EBF3: variants seen among roughly 807,000 people sequenced by gnomAD.
EBF3 encodes EBF transcription factor 3.
EBF3 carries 18 observed loss-of-function variants against 77.1 expected under a neutral mutation model. The ratio of observed to expected loss-of-function variants is 0.23; its 90% CI spans 0.16 to 0.35. The LOEUF (loss-of-function observed/expected upper bound fraction) is 0.35. Ranked by LOEUF, EBF3 falls within the 10% of genes least tolerant of loss-of-function variation. EBF3 has a pLI of 1.00. For missense variants in EBF3, 558 were observed against 860.0 expected (o/e 0.65, Z 4.39); for synonymous variants, 350 against 343.5 (o/e 1.02, Z -0.21).
At chr10:129,954,051 T>A (rs1858862261) in intron 6 of EBF3, among the ~76,000 whole-genome samples, 1 of 152,216 alleles carries the variant, frequency 6.6e-6, no homozygotes, top group African/African-American at 2.4e-5. Flanking sequence ...GATACTCCCA[T>A]CCTTTTCAGC....
intron 9 of EBF3, 43 bp downstream of exon 9, chr10:129,867,739 G>A: frequency 1.2e-6 from 2 of 1,608,666 alleles, no homozygotes; most frequent in Non-Finnish European, 1.7e-6. Context: ...ATCCATTCAT[G>A]AAGACAGCAA....
intron 6 of EBF3, among the ~76,000 whole-genome samples, chr10:129,921,102 C>A (rs1229011596): frequency 6.6e-6 from 1 of 152,208 alleles, no homozygotes; most frequent in African/African-American, 2.4e-5. Context: ...GTACACAAAG[C>A]AAACAAGAGA....
At chr10:129,858,012 C>T (rs924011321) in intron 10 of EBF3, among the ~76,000 whole-genome samples, 2 of 152,230 alleles carry the variant, frequency 1.3e-5, no homozygotes, top group African/African-American at 2.4e-5. Flanking sequence ...GGCGAATCAC[C>T]GATGTTGGTG....
At chr10:129,959,042 G>A (rs369626950) in intron 4 of EBF3, 35 bp from the exon 5 acceptor site, 184 of 1,595,814 alleles carry the variant, frequency 1.2e-4, no homozygotes, top group Non-Finnish European at 1.5e-4. Flanking sequence ...GGGGTTACGC[G>A]GCGCCCGCGG....
chr10:129,867,113 C>T (rs370095044), intron 10 of EBF3, 28 bp downstream of exon 10: 23 of 1,605,922 alleles, frequency 1.4e-5, no homozygotes, highest in Middle Eastern at 3.3e-4. Flanking sequence ...CTACCGCTTT[C>T]CCGCAGAAGC....
chr10:129,842,631 G>C lies in EBF3; in HGVS notation c.1195-338C>G, dbSNP rs1850157397. Among the ~76,000 whole-genome samples the C allele has an allele frequency of 6.6e-6, 1 of 152,074 alleles. No homozygotes were observed. The highest frequency in any genetic ancestry group is 1.5e-5 in the Non-Finnish European group (1 of 68,018). On this transcript the variant is annotated intron_variant, in intron 12 of 16. Transcript: ENST00000440978. This position sits in a 1 kb window ranked among gnomAD's most constrained non-coding sequence, Gnocchi z 4.4. Reference sequence around the variant, plus strand: ...ATACAAAAATTAGCCGGGTGTGTTGGCAAACGCCTGTAATCCCAGCTACTC... The same window carrying C: ...ATACAAAAATTAGCCGGGTGTGTTGCCAAACGCCTGTAATCCCAGCTACTC...
At chr10:129,884,976 T>C (rs1853470315) in intron 6 of EBF3, among the ~76,000 whole-genome samples, 1 of 152,172 alleles carries the variant, frequency 6.6e-6, no homozygotes, top group South Asian at 2.1e-4. Context: ...CTATCACTTC[T>C]TTATCTCCTG....
rs1564811742 is a variant in EBF3 at position 129,839,151 on chromosome 10, A to G, written c.1804T>C (p.Trp602Arg). The G allele has an allele frequency of 7.7e-7, 1 of 1,304,444 alleles. No individual in the cohort carries two copies. The highest frequency in any genetic ancestry group is 1.5e-5 in the African/African-American group (1 of 66,024). 80.8% of individuals were successfully genotyped at this position (1,304,444 alleles called of 1,614,324 possible). ...AEDVAAEKTN[W>R]PFCEVGGIFH... is the part of the protein sequence containing the mutation. ...ATGCCACCGACTTCACAAAAGGGCCAGTTTGTCTTCTCCGCGGCTACGTCC... is the reference window on the plus strand; with the variant it reads ...ATGCCACCGACTTCACAAAAGGGCCGGTTTGTCTTCTCCGCGGCTACGTCC... The change falls in exon 16 of 17, where the codon TGG becomes CGG. Residue 602 changes from tryptophan (W) to arginine (R), a missense_variant. This residue lies in a region of EBF3 where 284 missense variants were observed against 368.3 expected (regional missense o/e 0.77). Coordinates refer to ENST00000440978, the MANE Select transcript of EBF3 (RefSeq NM_001375380.1).
At chr10:129,875,084 T>C (rs1381418578) in intron 7 of EBF3, among the ~76,000 whole-genome samples, 1 of 151,262 alleles carries the variant, frequency 6.6e-6, no homozygotes, top group South Asian at 2.1e-4. Context: ...AGTCACTGAA[T>C]ATAAAATAAT....
chr10:129,843,710 T>C (rs1269564692), intron 11 of EBF3, among the ~76,000 whole-genome samples: 2 of 152,236 alleles, frequency 1.3e-5, no homozygotes, highest in Admixed American at 6.5e-5. Context: ...TGCAAGTGAG[T>C]TCAGTGCTTA....
chr10:129,921,900 C>T (rs1005168612), intron 6 of EBF3, among the ~76,000 whole-genome samples: 1 of 152,202 alleles, frequency 6.6e-6, no homozygotes, highest in Non-Finnish European at 1.5e-5. Flanking sequence ...CAGCCACATC[C>T]GCCCAAGCCT....
Position 129,870,739 on chromosome 10 carries a change from G to A in EBF3, c.781+2713C>T, listed in dbSNP as rs1245792071. Among the ~76,000 whole-genome samples, 1 of 152,182 alleles carries A rather than the reference G, an allele frequency of 6.6e-6. No homozygotes were observed. Among genetic ancestry groups the A allele is most frequent in the Non-Finnish European group, 1.5e-5 (1 of 68,036 alleles). ...GGCTGGGATGAGCATGTCAAAACGG[G>A]AGCGTGACTCAACTTGGAAACCCGT... is the stretch of plus-strand genomic sequence containing the variant. On this transcript the variant is annotated intron_variant, in intron 8 of 16. Transcript: ENST00000440978. This position sits in a 1 kb window ranked among gnomAD's most constrained non-coding sequence, Gnocchi z 4.4.
At chr10:129,914,503 G>C (rs1011360010) in intron 6 of EBF3, among the ~76,000 whole-genome samples, 3 of 152,164 alleles carry the variant, frequency 2.0e-5, no homozygotes, top group Non-Finnish European at 4.4e-5. Context: ...AGAATGGCAG[G>C]AGAGCAAGCA....
chr10:129,912,583 T>C (rs977538401), intron 6 of EBF3, among the ~76,000 whole-genome samples: 3 of 152,252 alleles, frequency 2.0e-5, no homozygotes, highest in Non-Finnish European at 2.9e-5. Flanking sequence ...AAGTGAGTGC[T>C]ATTTTCTGTT....
intron 10 of EBF3, among the ~76,000 whole-genome samples, chr10:129,854,212 T>C (rs1851089633): frequency 1.3e-5 from 2 of 152,282 alleles, no homozygotes; most frequent in South Asian, 4.2e-4. Flanking sequence ...CTCCTCCAAG[T>C]GCATTTCATC....
At chr10:129,875,187 C>CTTCTTCTTTTTTTTTTTTTTTTTTTTT (rs1852672323) in intron 7 of EBF3, among the ~76,000 whole-genome samples, 2 of 92,932 alleles carry the variant, frequency 2.2e-5, no homozygotes, top group Admixed American at 1.2e-4. Context: ...ATGGCTTCTT[C>CTTCTTCTTTTTTTTTTTTTTTTTTTTT]TTTTTTTTTT....
chr10:129,848,307 T>A lies in EBF3; in HGVS notation c.1128+85A>T. ...GTTTGGGGAATCTGCAATCCCCCCTTCCCAGAGCACCTGCTGCCCCCAAAC... is the reference window on the plus strand; with the variant it reads ...GTTTGGGGAATCTGCAATCCCCCCTACCCAGAGCACCTGCTGCCCCCAAAC... On this transcript the variant is annotated intron_variant, in intron 11 of 16. Transcript: ENST00000440978. This position sits in a 1 kb window ranked among gnomAD's most constrained non-coding sequence, Gnocchi z 4.4. The A allele has an allele frequency of 7.2e-7, 1 of 1,386,216 alleles. No homozygotes were observed. The highest frequency in any genetic ancestry group is 1.0e-6 in the Non-Finnish European group (1 of 973,510). The allele number at this position is 1,386,216 out of a possible 1,614,324, so 85.9% of individuals were successfully genotyped here. A position where few individuals can be genotyped will look rare whatever the true frequency, so the allele number is the denominator to read the frequency against.
intron 6 of EBF3, among the ~76,000 whole-genome samples, chr10:129,948,349 A>G (rs1858400511): frequency 6.6e-6 from 1 of 152,006 alleles, no homozygotes; most frequent in Non-Finnish European, 1.5e-5. Context: ...CATTCTGAAA[A>G]AGCAAAACTA....
chr10:129,945,999 G>T (rs999042266), intron 6 of EBF3, among the ~76,000 whole-genome samples: 1 of 149,704 alleles, frequency 6.7e-6, no homozygotes, highest in Non-Finnish European at 1.5e-5. Context: ...AGAAGATATC[G>T]CTACTATTTC....
Sources: gnomAD v4.1 joint callset for allele counts (sites outside exome capture counted in the v4.1 genomes callset) on GRCh38, gnomAD v4.1.1 for gene constraint, gnomAD v4.1.1 regional missense constraint, Gnocchi (gnomAD v3.1) non-coding constraint, MANE v1.5 for transcripts, NCBI Gene and HGNC (gene_info 2026-07-23, HGNC 2026-07-21) for gene names.